PRSS53: variants seen among roughly 807,000 people sequenced by gnomAD.
The protein encoded by PRSS53 is EDTP308.
PRSS53 carries 54 observed loss-of-function variants against 62.7 expected under a neutral mutation model. The ratio of observed to expected loss-of-function variants is 0.86; its 90% CI spans 0.69 to 1.08. The LOEUF (loss-of-function observed/expected upper bound fraction) is 1.08. Ranked by LOEUF, PRSS53 falls within the 50% of genes least tolerant of loss-of-function variation. PRSS53 has a pLI of 0.00. For missense variants in PRSS53, 688 were observed against 728.3 expected (o/e 0.94, Z 0.64); for synonymous variants, 273 against 300.0 (o/e 0.91, Z 0.93).
At chr16:31,086,935 C>T (rs2057241448) in intron 3 of PRSS53, 37 bp from the exon 4 acceptor site, 4 of 1,545,552 alleles carry the variant, frequency 2.6e-6, no homozygotes, top group African/African-American at 2.7e-5. Flanking sequence ...CTGCTGAGTG[C>T]AAGGGTAGAC....
chr16:31,083,489 C>T (rs1473595856), exon 11 of PRSS53: 1 of 1,326,650 alleles, frequency 7.5e-7, no homozygotes, highest in African/African-American at 1.5e-5. Context: ...TGCTGCCCCC[C>T]AAAAAAAGAA....
intron 1 of PRSS53, chr16:31,088,534 C>A: frequency 7.0e-7 from 1 of 1,428,224 alleles, no homozygotes. Context: ...AGACCACAGG[C>A]CCCGCCAACG....
In PRSS53 at chr16:31,084,346, T is replaced by C; in HGVS notation, c.1426-11A>G. 1 of 1,607,380 alleles carries C rather than the reference T, an allele frequency of 6.2e-7. No individual in the cohort carries two copies. Among genetic ancestry groups the C allele is most frequent in the Non-Finnish European group, 8.5e-7 (1 of 1,177,680 alleles). Reference sequence around the variant, plus strand: ...TGCCCCAGACAGGCCCTGTCAGGGGTCAGGTGACACTGGGTGACTTTTTAT... The same window carrying C: ...TGCCCCAGACAGGCCCTGTCAGGGGCCAGGTGACACTGGGTGACTTTTTAT... On this transcript the variant is annotated splice_polypyrimidine_tract_variant and intron_variant, in intron 9 of 10. Coordinates refer to ENST00000280606, the Ensembl canonical transcript of PRSS53.
At chr16:31,088,916 T>C in exon 1 of PRSS53, 1 of 1,541,840 alleles carries the variant, frequency 6.5e-7, no homozygotes, top group Non-Finnish European at 8.7e-7. Flanking sequence ...TTCAGCTGTC[T>C]GCTTGCCCTA....
At chr16:31,083,859 T>TGCCACCCACCCA in intron 10 of PRSS53, 50 bp from the exon 11 acceptor site, 1 of 1,590,028 alleles carries the variant, frequency 6.3e-7, no homozygotes. Flanking sequence ...ACGGCTTTGG[T>TGCCACCCACCCA]CCCTCCCTCC....
chr16:31,085,837 C>T, intron 6 of PRSS53, 127 bp downstream of exon 6: 1 of 833,724 alleles, frequency 1.2e-6, no homozygotes, highest in Non-Finnish European at 2.0e-6. Flanking sequence ...GGGCTGTTCC[C>T]ATCCCAGGGG....
chr16:31,088,496 C>T (rs2057257578), intron 1 of PRSS53: 4 of 1,384,164 alleles, frequency 2.9e-6, no homozygotes, highest in Middle Eastern at 2.6e-4. Context: ...GCACAGGACA[C>T]ACGCAGGCAG....
intron 1 of PRSS53, 118 bp from the exon 2 acceptor site, chr16:31,087,944 T>C (rs2143890144): frequency 1.3e-6 from 2 of 1,553,026 alleles, no homozygotes; most frequent in Non-Finnish European, 8.7e-7. Flanking sequence ...CTGATTACCT[T>C]ACCAGCCCCT....
At chr16:31,085,525 C>T (rs2057223039) in intron 6 of PRSS53, among the ~76,000 whole-genome samples, 1 of 152,184 alleles carries the variant, frequency 6.6e-6, no homozygotes, top group East Asian at 1.9e-4. Context: ...ACTTGTCACT[C>T]CCCTGCTCCA....
At chr16:31,086,796 C>G (rs1567417467) in exon 4 of PRSS53, 2 of 1,613,542 alleles carry the variant, frequency 1.2e-6, no homozygotes, top group Non-Finnish European at 1.7e-6. Context: ...CCCTGGGCAA[C>G]TGCAGGGCAG....
chr16:31,086,102 A>C (rs2057230484), exon 6 of PRSS53: 1 of 1,613,760 alleles, frequency 6.2e-7, no homozygotes. Context: ...TCCTGGGCAC[A>C]GCTTGATGCA....
exon 11 of PRSS53, chr16:31,083,668 C>T (rs2057194770): frequency 1.3e-6 from 2 of 1,569,336 alleles, no homozygotes; most frequent in Non-Finnish European, 8.6e-7. Context: ...CTTCCCACAG[C>T]TGCTGGGCTT....
At chr16:31,088,608 C>T (rs959769985) in intron 1 of PRSS53, 144 bp downstream of exon 1, 3 of 1,486,594 alleles carry the variant, frequency 2.0e-6, no homozygotes, top group Admixed American at 2.2e-5. Flanking sequence ...TATACCACCC[C>T]ACAGAGTCCT....
At chr16:31,086,261 C>T in intron 5 of PRSS53, 76 bp downstream of exon 5, 2 of 1,584,544 alleles carry the variant, frequency 1.3e-6, no homozygotes, top group Non-Finnish European at 1.7e-6. Context: ...AGGTCTTTCC[C>T]CCAGTCCTGT....
In PRSS53 at chr16:31,087,829, G is replaced by A. The variant is rs779417653; in HGVS notation, c.59-3C>T. 4 of 1,613,896 alleles carry A rather than the reference G, an allele frequency of 2.5e-6. No individual in the cohort carries two copies. Among genetic ancestry groups the A allele is most frequent in the East Asian group, 4.5e-5 (2 of 44,886 alleles). Reference sequence around the variant, plus strand: ...ACCACGCTGAGCGGCTTGAAGACCTGGGAAGAGAGAGACACAGGTAAGATG... The same window carrying A: ...ACCACGCTGAGCGGCTTGAAGACCTAGGAAGAGAGAGACACAGGTAAGATG... On this transcript the variant is annotated splice_region_variant and splice_polypyrimidine_tract_variant and intron_variant, in intron 1 of 10. Coordinates refer to ENST00000280606, the Ensembl canonical transcript of PRSS53.
At position 31,085,041 on chromosome 16, in the gene PRSS53, T is replaced by G; in HGVS notation, c.1035-17A>C. On this transcript the variant is annotated splice_polypyrimidine_tract_variant and intron_variant, in intron 7 of 10. Transcript: ENST00000280606. The stretch of plus-strand genomic sequence containing the variant: ...GCCTGGCGCCTGTGCAGAGGCAGTG[T>G]GGACGGCACCAGGTGACAGGGCTGC... The G allele has an allele frequency of 6.2e-7, 1 of 1,607,644 alleles. No homozygotes were observed. The highest frequency in any genetic ancestry group is 1.1e-5 in the South Asian group (1 of 89,916).
chr16:31,084,987 TCCCCAGCCCTACG>T lies in PRSS53; in HGVS notation c.1059_1071del (p.Ser353ArgfsTer9). ...TTCAGGCCCCACTCCTCCGGTCTGG[TCCCCAGCCCTACG>T]CTCCATTCCTCTGGGGCCTGGCGCC... On this transcript the variant is annotated frameshift_variant, in exon 8 of 11. Coordinates refer to ENST00000280606, the Ensembl canonical transcript of PRSS53. LOFTEE classifies it high-confidence loss of function. 6.4e-7 allele frequency: 1 copy of T among 1,574,556 alleles called. No individual in the cohort carries two copies. The highest frequency in any genetic ancestry group is 1.2e-5 in the South Asian group (1 of 84,520).
Position 31,087,008 on chromosome 16 carries a change from TC to T in PRSS53, c.243-111del, listed in dbSNP as rs2057242104. ...TAGCAGAGAGCACTCCACGGCTTTT[TC>T]TTTTTGAGGTAGGGTCTCGTCCTGT... is the stretch of plus-strand genomic sequence containing the variant. On this transcript the variant is annotated intron_variant, in intron 3 of 10. Transcript: ENST00000280606. 6.6e-6 allele frequency: 8 copies of T among 1,213,764 alleles called. No individual in the cohort carries two copies. The South Asian group carries it at 1.3e-4, about 20-fold the overall frequency. The allele number at this position is 1,213,764 out of a possible 1,614,324, so 75.2% of individuals were successfully genotyped here.
At chr16:31,088,757 A>T in exon 1 of PRSS53, 1 of 1,613,554 alleles carries the variant, frequency 6.2e-7, no homozygotes. Flanking sequence ...CTTACCCTCC[A>T]TGAGGACTGT....
Sources: gnomAD v4.1 joint callset for allele counts (sites outside exome capture counted in the v4.1 genomes callset) on GRCh38, gnomAD v4.1.1 for gene constraint, MANE v1.5 for transcripts, NCBI Gene and HGNC (gene_info 2026-07-23, HGNC 2026-07-21) for gene names.